NECAB2: variants seen among roughly 807,000 people sequenced by gnomAD.
NECAB2 encodes N-terminal EF-hand calcium-binding protein 2.
Under a neutral mutation model 51.9 loss-of-function variants are expected in NECAB2, and 68 were observed. That is an observed-to-expected ratio of 1.31 (90% CI 1.08 to 1.60). NECAB2 has a LOEUF of 1.60. Ranked by LOEUF, NECAB2 falls within the 40% of genes most tolerant of loss-of-function variation. The pLI is 0.00. For synonymous variants in NECAB2, 329 were observed against 203.5 expected, an observed-to-expected ratio of 1.62 and a Z score of -5.25; for missense variants, 854 against 490.3, an observed-to-expected ratio of 1.74 and a Z score of -7.00.
intron 11 of NECAB2, 36 bp from the exon 12 acceptor site, chr16:84,001,789 T>A: frequency 3.1e-6 from 5 of 1,611,124 alleles, no homozygotes; most frequent in Non-Finnish European, 4.2e-6. Flanking sequence ...GCTCCACTCC[T>A]GCCACCCCTG....
At chr16:83,969,677 A>C (rs1290251505) in intron 1 of NECAB2, among the ~76,000 whole-genome samples, 3 of 139,520 alleles carry the variant, frequency 2.2e-5, no homozygotes, top group African/African-American at 7.6e-5. Context: ...GGCGGCTCGG[A>C]GGAGGAGGAC....
At chr16:83,992,376 G>GC (rs1555548083) in intron 6 of NECAB2, among the ~76,000 whole-genome samples, 2 of 109,750 alleles carry the variant, frequency 1.8e-5, no homozygotes, top group African/African-American at 1.4e-4. Context: ...ACGAGCACCC[G>GC]TCCCCCCGCC....
intron 5 of NECAB2, among the ~76,000 whole-genome samples, chr16:83,984,144 C>G (rs113579469): frequency 6.6e-6 from 1 of 151,698 alleles, no homozygotes; most frequent in African/African-American, 2.4e-5. Flanking sequence ...TACAGGCGCC[C>G]GCTACTACGC....
intron 2 of NECAB2, among the ~76,000 whole-genome samples, chr16:83,973,273 C>T (rs1311613141): frequency 6.6e-6 from 1 of 152,234 alleles, no homozygotes; most frequent in Non-Finnish European, 1.5e-5. Flanking sequence ...TGGCCTGGGT[C>T]TCCAGCACCC....
chr16:83,975,122 G>C lies in NECAB2; in HGVS notation c.226+2947G>C, dbSNP rs547510861. Among the ~76,000 whole-genome samples the C allele has an allele frequency of 6.2e-3, 903 of 144,842 alleles. 22 individuals are homozygous for C. The highest frequency in any genetic ancestry group is 0.023 in the African/African-American group (851 of 37,320). On this transcript the variant is annotated intron_variant, in intron 2 of 12. Transcript: ENST00000305202. Reference sequence around the variant, plus strand: ...TGCAGGGATGAGAGCAGGTGTGCAGGGAGGTGTGCAGGGATGAGAGCAGGT... The same window carrying C: ...TGCAGGGATGAGAGCAGGTGTGCAGCGAGGTGTGCAGGGATGAGAGCAGGT...
At chr16:83,977,603 G>A (rs2151087458) in intron 2 of NECAB2, among the ~76,000 whole-genome samples, 1 of 152,196 alleles carries the variant, frequency 6.6e-6, no homozygotes, top group Non-Finnish European at 1.5e-5. Context: ...AGCTGTGGAG[G>A]CCCCTCTGTG....
chr16:84,000,058 ATTTTTTTT>A (rs780319058), intron 10 of NECAB2, among the ~76,000 whole-genome samples: 2 of 118,224 alleles, frequency 1.7e-5, no homozygotes, highest in Non-Finnish European at 3.1e-5. Flanking sequence ...AGCAAGTTTT[ATTTTTTTT>A]TTTTTTAAAG....
intron 2 of NECAB2, among the ~76,000 whole-genome samples, chr16:83,973,744 G>A (rs1245117270): frequency 3.3e-5 from 5 of 152,132 alleles, no homozygotes; most frequent in Middle Eastern, 6.8e-3. Context: ...GTAGGTCCTC[G>A]GTAAATGTCT....
At chr16:83,997,797 G>C (rs1432616976) in intron 9 of NECAB2, among the ~76,000 whole-genome samples, 1 of 152,094 alleles carries the variant, frequency 6.6e-6, no homozygotes, top group South Asian at 2.1e-4. Context: ...CTGGCCCAGA[G>C]GCTCCTGGAC....
rs1419431980 is a variant in NECAB2, at chr16:84,001,864, C to G, written c.1080C>G (p.Val360=). ...CCCTGTGTAAGGCGTTCCGGCACGT[C>G]AAGGTGGACACACTGAGCCAGCCTG... ...QSPLCKAFRH[V]KVDTLSQPEA... Residue 360 remains valine, a synonymous_variant, in exon 12 of 13, where the codon GTC becomes GTG. Transcript: ENST00000305202. 6.2e-7 allele frequency: 1 copy of G among 1,614,160 alleles called. No homozygotes were observed. The highest frequency in any genetic ancestry group is 8.5e-7 in the Non-Finnish European group (1 of 1,180,002).
chr16:83,994,367 C>G lies in NECAB2; in HGVS notation c.662C>G (p.Ser221Cys), dbSNP rs767713970. The G allele has an allele frequency of 1.9e-6, 3 of 1,614,230 alleles. No homozygotes were observed. The highest frequency in any genetic ancestry group is 2.5e-6 in the Non-Finnish European group (3 of 1,180,036). Reference protein sequence around the residue: ...QTWCGSPTPASAPNHKLMAME... With the variant: ...QTWCGSPTPACAPNHKLMAME... ...TGGTGTGGAAGCCCCACTCCCGCCT[C>G]TGCCCCCAACCACAAGCTCATGGCT... is the stretch of plus-strand genomic sequence containing the variant. Residue 221 changes from serine (S) to cysteine (C), a missense_variant, in exon 7 of 13, where the codon TCT becomes TGT. Ser to Cys is a moderately radical substitution (Grantham distance 112). Coordinates refer to ENST00000305202, the MANE Select transcript of NECAB2 (RefSeq NM_019065.3).
chr16:84,000,058 A>ATT lies in NECAB2; in HGVS notation c.963-653_963-652dup, dbSNP rs780319058. On this transcript the variant is annotated intron_variant, in intron 10 of 12. Transcript: ENST00000305202. Reference sequence around the variant, plus strand: ...TGTGCCACCAGGCCCAGCAAGTTTTATTTTTTTTTTTTTTAAAGAGACAGT... The same window carrying ATT: ...TGTGCCACCAGGCCCAGCAAGTTTTATTTTTTTTTTTTTTTTAAAGAGACAGT... Among the ~76,000 whole-genome samples, 514 of 118,202 alleles carry ATT rather than the reference A, an allele frequency of 4.3e-3. 3 individuals carry two copies. Among genetic ancestry groups the ATT allele is most frequent in the African/African-American group, 0.028 (470 of 17,028 alleles). The allele number at this position is 118,202 out of a possible 152,430, so 77.5% of individuals were successfully genotyped here.
At chr16:83,994,500 G>A (rs2084669530) in intron 7 of NECAB2, 80 bp downstream of exon 7, 8 of 1,590,556 alleles carry the variant, frequency 5.0e-6, no homozygotes, top group Admixed American at 5.0e-5. Flanking sequence ...CAGGGACTGG[G>A]GAGATGAGCA....
chr16:84,002,415 C>T lies in NECAB2; in HGVS notation c.*69C>T. 1 of 1,542,234 alleles carries T rather than the reference C, an allele frequency of 6.5e-7. No homozygotes were observed. Among genetic ancestry groups the T allele is most frequent in the South Asian group, 1.1e-5 (1 of 89,624 alleles). ...CTTGTGAAGGAAATCCCGTTTTTTTCTAGACAGACACTTTGGTGCAGAAGC... is the reference window on the plus strand; with the variant it reads ...CTTGTGAAGGAAATCCCGTTTTTTTTTAGACAGACACTTTGGTGCAGAAGC... On this transcript the variant is annotated 3_prime_UTR_variant, in exon 13 of 13. Coordinates refer to ENST00000305202, the MANE Select transcript of NECAB2 (RefSeq NM_019065.3).
intron 5 of NECAB2, among the ~76,000 whole-genome samples, chr16:83,984,378 A>T (rs542612757): frequency 7.9e-5 from 12 of 152,208 alleles, no homozygotes; most frequent in African/African-American, 2.4e-4. Context: ...ATTTTTAAAA[A>T]TCTAAAACAT....
At chr16:83,967,338 C>G (rs1340581100), upstream of NECAB2, among the ~76,000 whole-genome samples, 2 of 125,114 alleles carry the variant, frequency 1.6e-5, no homozygotes, top group African/African-American at 6.1e-5. Context: ...GTGGGTTCTC[C>G]TTAATTCATC....
At chr16:83,995,067 A>T (rs4782575) in intron 8 of NECAB2, among the ~76,000 whole-genome samples, 1 of 152,104 alleles carries the variant, frequency 6.6e-6, no homozygotes, top group Non-Finnish European at 1.5e-5. Context: ...ACCAGGATGA[A>T]AGAGAGACGT....
chr16:83,995,954 T>C (rs1567676656), intron 8 of NECAB2, among the ~76,000 whole-genome samples: 1 of 152,200 alleles, frequency 6.6e-6, no homozygotes, highest in African/African-American at 2.4e-5. Flanking sequence ...ACCGTCGCCC[T>C]AACAACCAGG....
intron 2 of NECAB2, 130 bp from the exon 3 acceptor site, chr16:83,978,314 T>C: frequency 1.5e-6 from 1 of 674,768 alleles, no homozygotes; most frequent in Non-Finnish European, 2.5e-6. Context: ...GCTGGGAGGG[T>C]AGGGATTATC....
Sources: allele counts gnomAD v4.1 joint callset (sites outside exome capture counted in the v4.1 genomes callset), GRCh38; gene constraint gnomAD v4.1.1; transcripts MANE v1.5; gene names NCBI Gene and HGNC (gene_info 2026-07-23, HGNC 2026-07-21).